Variants in MRM1 observed in about 807,000 individuals in gnomAD.
MRM1 encodes mitochondrial rRNA methyltransferase 1.
A neutral mutation model predicts 25.0 loss-of-function variants in MRM1; 24 were observed. That is an observed-to-expected ratio of 0.96 (90% confidence interval 0.69 to 1.35). MRM1 has a LOEUF of 1.35. MRM1 is among the 40% of genes most tolerant of loss of function. The pLI, the probability that MRM1 is intolerant of heterozygous loss-of-function variation, is 0.00. For synonymous variants in MRM1, 188 were observed against 199.2 expected (o/e 0.94, Z 0.47); for missense variants, 431 against 464.1 (o/e 0.93, Z 0.65).
In MRM1 at chr17:36,602,121, G is replaced by A. The variant is rs1320873289; in HGVS notation, c.311G>A (p.Arg104Gln). 6.2e-6 allele frequency: 10 copies of A among 1,612,432 alleles called. No homozygotes were observed. Among genetic ancestry groups the A allele is most frequent in the Non-Finnish European group, 7.6e-6 (9 of 1,179,796 alleles). Residue 104 changes from arginine (R) to glutamine (Q), a missense_variant, in exon 1 of 5, where the codon CGG (arginine) becomes CAG (glutamine). Coordinates refer to ENST00000614766, the MANE Select transcript of MRM1 (RefSeq NM_024864.5). The surrounding 1 kb of genome is among the most constrained non-coding windows in gnomAD (Gnocchi z 4.1). ...ARDIPVLRPR[R>Q]QKLDTMCRYQ... Reference sequence around the variant, plus strand: ...GACATTCCAGTTCTGCGGCCCAGACGGCAGAAACTGGACACAATGTGCCGC... The same window carrying A: ...GACATTCCAGTTCTGCGGCCCAGACAGCAGAAACTGGACACAATGTGCCGC...
downstream of MRM1, among the ~76,000 whole-genome samples, chr17:36,611,664 C>G (rs1365240228): frequency 1.3e-5 from 2 of 152,172 alleles, no homozygotes; most frequent in Non-Finnish European, 2.9e-5. Context: ...CTCATCCATT[C>G]AGTTGAGGGC....
At position 36,602,836 on chromosome 17, in the gene MRM1, TC is replaced by T. The variant is rs1373837287; in HGVS notation, c.636+192del. 9 of 782,006 alleles carry T rather than the reference TC, an allele frequency of 1.2e-5. No individual in the cohort carries two copies. Among genetic ancestry groups the T allele is most frequent in the African/African-American group, 3.8e-5 (2 of 53,086 alleles). The allele number at this position is 782,006 out of a possible 1,614,324, so 48.4% of individuals were successfully genotyped here. A position where few individuals can be genotyped will look rare whatever the true frequency, so the allele number is the denominator to read the frequency against. On this transcript the variant is annotated intron_variant, in intron 2 of 4. Coordinates refer to ENST00000614766, the MANE Select transcript of MRM1 (RefSeq NM_024864.5). This position sits in a 1 kb window ranked among gnomAD's most constrained non-coding sequence, Gnocchi z 4.1. ...GCAAATGGAGCATTAGCTGAATTCT[TC>T]CTAGCGTTATACCCTTTCCTGCACC...
At chr17:36,633,670 G>A in the MRM1 span, among the ~76,000 whole-genome samples, 1 of 152,004 alleles carries the variant, frequency 6.6e-6, no homozygotes, top group East Asian at 1.9e-4. Context: ...AGGAGGGGAG[G>A]AGAGGGAGGA....
At chr17:36,616,226 G>A in the MRM1 span, among the ~76,000 whole-genome samples, 5 of 152,314 alleles carry the variant, frequency 3.3e-5, no homozygotes, top group South Asian at 1.0e-3. Flanking sequence ...TCCTGAGGTT[G>A]GAGGCTGATT....
chr17:36,608,471 C>G lies in MRM1; in HGVS notation c.*56C>G. 1 of 1,367,442 alleles carries G rather than the reference C, an allele frequency of 7.3e-7. No individual in the cohort carries two copies. The highest frequency in any genetic ancestry group is 9.6e-7 in the Non-Finnish European group (1 of 1,037,016). The allele number at this position is 1,367,442 out of a possible 1,614,324, so 84.7% of individuals were successfully genotyped here. On this transcript the variant is annotated 3_prime_UTR_variant, in exon 5 of 5. Transcript: ENST00000614766. ...AGTCAGGGACGGCCGCACCTGCCTC[C>G]GCCGGCTCCAGTGTGCGGGGAGCCT...
downstream of MRM1, among the ~76,000 whole-genome samples, chr17:36,613,003 G>A (rs1358377067): frequency 6.6e-6 from 1 of 152,168 alleles, no homozygotes; most frequent in Non-Finnish European, 1.5e-5. Context: ...AGTTGAGGGA[G>A]GAGAGGGGTT....
intron 2 of MRM1, among the ~76,000 whole-genome samples, chr17:36,607,331 A>G (rs1260127964): frequency 3.3e-5 from 5 of 152,148 alleles, no homozygotes; most frequent in African/African-American, 1.2e-4. Flanking sequence ...GATGAATTAG[A>G]ATAGGAGAGG....
At chr17:36,603,202 A>C in intron 2 of MRM1, 2 of 942,638 alleles carry the variant, frequency 2.1e-6, no homozygotes, top group Non-Finnish European at 2.5e-6. Flanking sequence ...GCAGGGTGAG[A>C]AATTTCCCTC....
chr17:36,633,585 A>G, the MRM1 span, among the ~76,000 whole-genome samples: 5 of 151,010 alleles, frequency 3.3e-5, no homozygotes, highest in Non-Finnish European at 7.4e-5. Context: ...GAGGAGGAGG[A>G]AGAGGAAGAA....
chr17:36,625,442 T>C, the MRM1 span, among the ~76,000 whole-genome samples: 10 of 144,060 alleles, frequency 6.9e-5, no homozygotes, highest in African/African-American at 2.4e-4. Context: ...TCTCCTTTTC[T>C]TCTTCTTCTC....
chr17:36,630,629 TA>T, the MRM1 span, among the ~76,000 whole-genome samples: 31 of 152,114 alleles, frequency 2.0e-4, no homozygotes, highest in African/African-American at 6.5e-4. Context: ...CCCTGAATGC[TA>T]ATAGGGATAG....
Position 36,608,278 on chromosome 17 carries a change from G to A in MRM1, c.925G>A (p.Gly309Ser), listed in dbSNP as rs746500794. ...LLHSICSQRK[G>S]FPTEGERRQL... ...TCACTCCATTTGCAGCCAGAGGAAG[G>A]GTTTCCCCACAGAGGGGGAGAGAAG... Residue 309 changes from glycine to serine, a missense_variant, in exon 5 of 5, where the codon GGT (glycine) becomes AGT (serine). Physicochemically the swap from Gly to Ser is moderately conservative, Grantham distance 56 (BLOSUM62 0). Coordinates refer to ENST00000614766, the MANE Select transcript of MRM1 (RefSeq NM_024864.5). 1.9e-6 allele frequency: 3 copies of A among 1,592,852 alleles called. No individual in the cohort carries two copies. Among genetic ancestry groups the A allele is most frequent in the Non-Finnish European group, 2.6e-6 (3 of 1,171,230 alleles).
downstream of MRM1, among the ~76,000 whole-genome samples, chr17:36,610,837 G>A (rs904500874): frequency 1.3e-5 from 2 of 151,970 alleles, no homozygotes; most frequent in South Asian, 2.1e-4. Flanking sequence ...TTTTTGAGAC[G>A]GAGTCTTGCT....
chr17:36,602,214 G>A lies in MRM1; in HGVS notation c.404G>A (p.Gly135Glu), dbSNP rs548319487. 78 of 1,610,492 alleles carry A rather than the reference G, an allele frequency of 4.8e-5. No homozygotes were observed. Among genetic ancestry groups the A allele is most frequent in the Non-Finnish European group, 6.2e-5 (73 of 1,177,988 alleles). Residue 135 changes from glycine to glutamate, a missense_variant, in exon 1 of 5, where the codon GGG becomes GAG. Coordinates refer to ENST00000614766, the MANE Select transcript of MRM1 (RefSeq NM_024864.5). This position sits in a 1 kb window ranked among gnomAD's most constrained non-coding sequence, Gnocchi z 4.1. ...PLRPRPWREA[G>E]EASPGDDPQQ... ...CGGCCCCGGCCTTGGAGAGAGGCCG[G>A]GGAGGCGAGCCCAGGCGACGACCCC...
At chr17:36,603,150 G>T in intron 2 of MRM1, 1 of 985,208 alleles carries the variant, frequency 1.0e-6, no homozygotes, top group African/African-American at 1.7e-5. Flanking sequence ...TCTGCATATG[G>T]AATCCCCTCT....
chr17:36,604,796 G>A (rs1376357456), intron 2 of MRM1, among the ~76,000 whole-genome samples: 6 of 147,846 alleles, frequency 4.1e-5, no homozygotes, highest in African/African-American at 7.5e-5. Context: ...ACAGAGTGAC[G>A]TGTCAAAAAA....
intron 2 of MRM1, chr17:36,603,171 C>T (rs1299025112): frequency 1.0e-5 from 10 of 984,214 alleles, no homozygotes; most frequent in Admixed American, 6.1e-5. Flanking sequence ...GACCATACCC[C>T]CCCCAACCCC....
At chr17:36,617,374 AC>A in the MRM1 span, among the ~76,000 whole-genome samples, 2 of 146,794 alleles carry the variant, frequency 1.4e-5, no homozygotes, top group East Asian at 2.0e-4. Context: ...ACCTTCAATA[AC>A]CCTTCCTTCC....
At chr17:36,618,106 A>ACTTGAGGGGACCTGGGAGTGGGAGTC in the MRM1 span, among the ~76,000 whole-genome samples, 1 of 152,092 alleles carries the variant, frequency 6.6e-6, no homozygotes, top group Non-Finnish European at 1.5e-5. Flanking sequence ...CTCCCCCCAC[A>ACTTGAGGGGACCTGGGAGTGGGAGTC]CTTGAGGGGA....
Sources: allele counts gnomAD v4.1 joint callset (sites outside exome capture counted in the v4.1 genomes callset), GRCh38; gene constraint gnomAD v4.1.1; non-coding constraint Gnocchi (gnomAD v3.1); transcripts MANE v1.5; gene names NCBI Gene and HGNC (gene_info 2026-07-23, HGNC 2026-07-21).